Variants in LARP1B observed in about 807,000 individuals in gnomAD.
LARP1B encodes the protein la-related protein 1B.
Under a neutral mutation model 114.2 loss-of-function variants are expected in LARP1B, and 76 were observed. The observed-to-expected ratio is 0.67, with a 90% CI of 0.55 to 0.81. The LOEUF (loss-of-function observed/expected upper bound fraction) is 0.81, where lower values mean the gene tolerates loss of function less well. Ranked by LOEUF, LARP1B falls within the 30% of genes least tolerant of loss-of-function variation. The pLI is 0.00. For synonymous variants in LARP1B, 345 were observed against 348.0 expected (o/e 0.99, Z 0.10); for missense variants, 1,014 against 1,075.8 (o/e 0.94, Z 0.80).
chr4:128,132,277 C>T (rs1791796953), intron 11 of LARP1B, among the ~76,000 whole-genome samples: 1 of 152,140 alleles, frequency 6.6e-6, no homozygotes, highest in African/African-American at 2.4e-5. Context: ...CAGAGTCTTA[C>T]TCTGTCGCCC....
At chr4:128,124,883 A>C (rs1789064292) in intron 11 of LARP1B, among the ~76,000 whole-genome samples, 1 of 152,202 alleles carries the variant, frequency 6.6e-6, no homozygotes, top group Non-Finnish European at 1.5e-5. Context: ...TGTGTCAGCA[A>C]CTTTACAGGT....
rs1463343162 is a variant in LARP1B at position 128,121,983 on chromosome 4, T to C, written c.1319T>C (p.Ile440Thr). ...DWSDNDSDYE[I>T]DDQDLNKILI... ...TCTGATAATGATTCAGATTATGAAA[T>C]TGATGACCAAGACTTAAACAAGATT... Residue 440 changes from isoleucine to threonine, a missense_variant, in exon 11 of 20, where the codon ATT becomes ACT. Coordinates refer to ENST00000326639, the MANE Select transcript of LARP1B (RefSeq NM_018078.4). The C allele has an allele frequency of 1.9e-6, 3 of 1,612,992 alleles. No homozygotes were observed. The highest frequency in any genetic ancestry group is 2.5e-6 in the Non-Finnish European group (3 of 1,179,974).
chr4:128,204,936 A>G (rs761193618), intron 17 of LARP1B, among the ~76,000 whole-genome samples: 1 of 152,140 alleles, frequency 6.6e-6, no homozygotes, highest in Non-Finnish European at 1.5e-5. Flanking sequence ...AAAGCTCCCC[A>G]GATGATTATA....
chr4:128,133,149 C>T (rs1423892197), intron 11 of LARP1B, among the ~76,000 whole-genome samples: 1 of 152,128 alleles, frequency 6.6e-6, no homozygotes. Context: ...AACCGTGGTT[C>T]CTAACAGGCT....
chr4:128,178,683 T>C, intron 14 of LARP1B, 41 bp downstream of exon 14: 1 of 1,379,236 alleles, frequency 7.3e-7, no homozygotes, highest in Non-Finnish European at 1.0e-6. Context: ...GCATTTTGTA[T>C]CCTTTAACAT....
intron 12 of LARP1B, among the ~76,000 whole-genome samples, chr4:128,174,074 T>A (rs1181999774): frequency 2.0e-5 from 3 of 152,196 alleles, no homozygotes; most frequent in Non-Finnish European, 4.4e-5. Context: ...TTCATCTATG[T>A]CATTGCATGT....
intron 7 of LARP1B, among the ~76,000 whole-genome samples, chr4:128,094,777 G>A (rs923854983): frequency 2.6e-5 from 4 of 151,534 alleles, no homozygotes; most frequent in Admixed American, 6.6e-5. Flanking sequence ...TTGAAATGGA[G>A]TTTTGCTGTT....
chr4:128,155,417 C>G, intron 11 of LARP1B: 1 of 657,210 alleles, frequency 1.5e-6, no homozygotes, highest in South Asian at 1.7e-5. Context: ...GAACCCGGCC[C>G]GAGCTCCGGG....
At chr4:128,142,553 G>T (rs1489485180) in intron 11 of LARP1B, among the ~76,000 whole-genome samples, 1 of 150,168 alleles carries the variant, frequency 6.7e-6, no homozygotes. Context: ...TTGTTGCCCA[G>T]GCTGGAGTTC....
chr4:128,131,313 A>G (rs969896836), intron 11 of LARP1B, among the ~76,000 whole-genome samples: 8 of 152,284 alleles, frequency 5.3e-5, no homozygotes, highest in Non-Finnish European at 8.8e-5. Flanking sequence ...AAAAATACCT[A>G]AAGAAAGATA....
chr4:128,092,434 C>T (rs1270354360), intron 7 of LARP1B, among the ~76,000 whole-genome samples: 1 of 152,100 alleles, frequency 6.6e-6, no homozygotes, highest in Non-Finnish European at 1.5e-5. Flanking sequence ...AAAGAAAAAA[C>T]AAACCCTATG....
intron 15 of LARP1B, among the ~76,000 whole-genome samples, chr4:128,194,175 C>G (rs1753238673): frequency 6.6e-6 from 1 of 151,908 alleles, no homozygotes; most frequent in Non-Finnish European, 1.5e-5. Context: ...TGGGTTCAAG[C>G]GATTCTTCTG....
chr4:128,107,235 A>C lies in LARP1B; in HGVS notation c.910A>C (p.Ser304Arg). 6.2e-7 allele frequency: 1 copy of C among 1,614,188 alleles called. No individual in the cohort carries two copies. Among genetic ancestry groups the C allele is most frequent in the Non-Finnish European group, 8.5e-7 (1 of 1,180,016 alleles). Residue 304 changes from serine to arginine, a missense_variant, in exon 9 of 20, where the codon AGT becomes CGT. Transcript: ENST00000326639. ...GCCAATTCCAGGCCCTCCTCCACGC[A>C]GTGTGCCACCAACAGACTTCTCTCA... Reference protein sequence around the residue: ...KWPIPGPPPRSVPPTDFSQLI... With the variant: ...KWPIPGPPPRRVPPTDFSQLI...
intron 4 of LARP1B, among the ~76,000 whole-genome samples, chr4:128,079,394 C>T (rs1434274096): frequency 1.3e-5 from 2 of 151,190 alleles, no homozygotes; most frequent in African/African-American, 2.4e-5. Flanking sequence ...CGGGCCTGGC[C>T]GAATAGTTTG....
chr4:128,131,631 T>C (rs956725156), intron 11 of LARP1B, among the ~76,000 whole-genome samples: 1 of 152,032 alleles, frequency 6.6e-6, no homozygotes, highest in Admixed American at 6.6e-5. Context: ...GGCAGGAGGA[T>C]TGTGTGAGCC....
Position 128,210,870 on chromosome 4 carries a change from C to T in LARP1B, c.*817C>T, listed in dbSNP as rs1312126413. On this transcript the variant is annotated 3_prime_UTR_variant, in exon 20 of 20. Transcript: ENST00000326639. ...CATTGGGATTGATTGGAATATTGTC[C>T]TAAATTAATTAAATCTTGCACTGTT... 1 of 984,212 alleles carries T rather than the reference C, an allele frequency of 1.0e-6. No individual in the cohort carries two copies. The highest frequency in any genetic ancestry group is 1.7e-5 in the African/African-American group (1 of 57,190). The allele number at this position is 984,212 out of a possible 1,614,324, so 61.0% of individuals were successfully genotyped here.
At chr4:128,160,027 G>T (rs752028548) in intron 11 of LARP1B, among the ~76,000 whole-genome samples, 6 of 152,232 alleles carry the variant, frequency 3.9e-5, no homozygotes, top group Non-Finnish European at 8.8e-5. Flanking sequence ...GTAGGATAGA[G>T]CAAGGGTAGA....
At chr4:128,178,777 C>A in intron 14 of LARP1B, 135 bp downstream of exon 14, 2 of 785,548 alleles carry the variant, frequency 2.5e-6, no homozygotes, top group Non-Finnish European at 4.0e-6. Flanking sequence ...TCATACTTTA[C>A]CATAGTGATA....
At chr4:128,116,440 G>A (rs1785855357) in intron 10 of LARP1B, among the ~76,000 whole-genome samples, 1 of 152,150 alleles carries the variant, frequency 6.6e-6, no homozygotes, top group African/African-American at 2.4e-5. Context: ...AAATAAACTT[G>A]GGGAGAATGC....
Sources: gnomAD v4.1 joint callset for allele counts (sites outside exome capture counted in the v4.1 genomes callset) on GRCh38, gnomAD v4.1.1 for gene constraint, MANE v1.5 for transcripts, NCBI Gene and HGNC (gene_info 2026-07-23, HGNC 2026-07-21) for gene names.